Variants in SFRP4 observed in about 807,000 individuals in gnomAD.
The protein encoded by SFRP4 is secreted frizzled related protein 4.
A neutral mutation model predicts 36.3 loss-of-function variants in SFRP4; 25 were observed. That is an observed-to-expected ratio of 0.69 (90% confidence interval 0.50 to 0.96). The LOEUF is 0.96. Ranked by LOEUF, SFRP4 falls within the 40% of genes least tolerant of loss-of-function variation. The probability of loss-of-function intolerance (pLI) is 0.00; values close to 1 mark genes in which losing one functional copy is unlikely to be tolerated. For synonymous variants in SFRP4, 182 were observed against 168.8 expected, an observed-to-expected ratio of 1.08 and a Z score of -0.60; for missense variants, 487 against 459.6, an observed-to-expected ratio of 1.06 and a Z score of -0.54.
At chr7:37,912,536 G>A (rs553394019) in intron 3 of SFRP4, among the ~76,000 whole-genome samples, 1 of 152,284 alleles carries the variant, frequency 6.6e-6, no homozygotes, top group South Asian at 2.1e-4. Context: ...GGGGCATACT[G>A]CAAGATAGGA....
chr7:37,911,773 G>T (rs760721757), intron 4 of SFRP4, among the ~76,000 whole-genome samples: 1 of 152,140 alleles, frequency 6.6e-6, no homozygotes, highest in South Asian at 2.1e-4. Context: ...AGCTATTAAA[G>T]TGGCCTTAAA....
At position 37,916,671 on chromosome 7, in the gene SFRP4, A is replaced by C; in HGVS notation, c.-134T>G. 4.5e-6 allele frequency: 6 copies of C among 1,348,042 alleles called. 1 individual carries two copies. The South Asian group carries it at 8.9e-5, about 20-fold the overall frequency. The allele number at this position is 1,348,042 out of a possible 1,614,324, so 83.5% of individuals were successfully genotyped here. The stretch of plus-strand genomic sequence containing the variant: ...AGGAGAGTTTCTTCCCCCAAACTCC[A>C]GTCGGCAGCAAAGCGGGGCCGCGGG... On this transcript the variant is annotated 5_prime_UTR_variant, in exon 1 of 6. Coordinates refer to ENST00000436072, the MANE Select transcript of SFRP4 (RefSeq NM_003014.4). The surrounding 1 kb of genome is among the most constrained non-coding windows in gnomAD (Gnocchi z 4.1).
rs1333811284 is a variant in SFRP4, at chr7:37,916,085, G to C, written c.445+8C>G. ...CCTCGCCTCCCTCCATCCTTCCTAC[G>C]GCCTCACCCTCCGGGAGGTCCGTGA... On this transcript the variant is annotated splice_region_variant and intron_variant, in intron 1 of 5. Coordinates refer to ENST00000436072, the MANE Select transcript of SFRP4 (RefSeq NM_003014.4). The surrounding 1 kb of genome is among the most constrained non-coding windows in gnomAD (Gnocchi z 4.1). The C allele has an allele frequency of 1.9e-6, 3 of 1,604,660 alleles. No individual in the cohort carries two copies. The highest frequency in any genetic ancestry group is 2.2e-5 in the East Asian group (1 of 44,630).
At chr7:37,914,569 T>A in intron 1 of SFRP4, 116 bp from the exon 2 acceptor site, 1 of 810,178 alleles carries the variant, frequency 1.2e-6, no homozygotes, top group African/African-American at 1.7e-5. Flanking sequence ...TAATAGTATT[T>A]AATGGTAAAA....
chr7:37,912,155 T>C lies in SFRP4; in HGVS notation c.755A>G (p.Gln252Arg). The change falls in exon 4 of 6, where the codon CAA becomes CGA. Residue 252 changes from glutamine (Q) to arginine (R), a missense_variant. Coordinates refer to ENST00000436072, the MANE Select transcript of SFRP4 (RefSeq NM_003014.4). ...SCQCPHILPHQDVLIMCYEWR... is the reference protein window; with the variant it reads ...SCQCPHILPHRDVLIMCYEWR... ...CTCGTAACACATGATGAGAACATCT[T>C]GATGGGGCAGGATGTGTGGACACTG... The C allele has an allele frequency of 6.2e-7, 1 of 1,614,150 alleles. No individual in the cohort carries two copies. The highest frequency in any genetic ancestry group is 1.1e-5 in the South Asian group (1 of 91,074).
At position 37,916,104 on chromosome 7, in the gene SFRP4, T is replaced by G; in HGVS notation, c.434A>C (p.Asp145Ala). 6.2e-7 allele frequency: 1 copy of G among 1,611,568 alleles called. No individual in the cohort carries two copies. The change falls in exon 1 of 6, where the codon GAC becomes GCC. Residue 145 changes from aspartate (D) to alanine (A), a missense_variant. Transcript: ENST00000436072. The surrounding 1 kb of genome is among the most constrained non-coding windows in gnomAD (Gnocchi z 4.1). ...TCCTACGGCCTCACCCTCCGGGAGGTCCGTGACGATGGCTTCAGGCGAGAT... is the reference window on the plus strand; with the variant it reads ...TCCTACGGCCTCACCCTCCGGGAGGGCCGTGACGATGGCTTCAGGCGAGAT... ...VCISPEAIVTDLPEDVKWIDI... is the reference protein window; with the variant it reads ...VCISPEAIVTALPEDVKWIDI...
chr7:37,916,559 G>C lies in SFRP4; in HGVS notation c.-22C>G. 6.3e-7 allele frequency: 1 copy of C among 1,590,322 alleles called. No homozygotes were observed. The highest frequency in any genetic ancestry group is 1.1e-5 in the South Asian group (1 of 90,492). ...ACATGGCACTGCCCTCTCGCGCTGC[G>C]ACCCCGGCAGACAGAAAGCGCCCTT... On this transcript the variant is annotated 5_prime_UTR_variant, in exon 1 of 6. Coordinates refer to ENST00000436072, the MANE Select transcript of SFRP4 (RefSeq NM_003014.4). The surrounding 1 kb of genome is among the most constrained non-coding windows in gnomAD (Gnocchi z 4.1).
chr7:37,913,277 A>ATT lies in SFRP4; in HGVS notation c.592+934_592+935dup, dbSNP rs368403590. 5.0e-4 allele frequency among the ~76,000 whole-genome samples: 76 copies of ATT among 152,084 alleles called. 1 individual carries two copies. In the East Asian group the frequency reaches 0.011, roughly 23 times the overall value. ...AAATCTGATAGTTTTGTAACAGCTT[A>ATT]TTTTTTTTCAGATTTCTACATTTCT... is the stretch of plus-strand genomic sequence containing the variant. On this transcript the variant is annotated intron_variant, in intron 3 of 5. Transcript: ENST00000436072.
Position 37,914,113 on chromosome 7 carries a change from C to A in SFRP4, c.592+100G>T. ...GGAAAAATAGTCAACCTTTTGTTTT[C>A]TTTACTTTGTGACTAGCTTTAGTGA... is the stretch of plus-strand genomic sequence containing the variant. On this transcript the variant is annotated intron_variant, in intron 3 of 5. Coordinates refer to ENST00000436072, the MANE Select transcript of SFRP4 (RefSeq NM_003014.4). 4.5e-6 allele frequency: 4 copies of A among 894,042 alleles called. No individual in the cohort carries two copies. The South Asian group carries it at 6.1e-5, about 14-fold the overall frequency. The allele number at this position is 894,042 out of a possible 1,614,324, so 55.4% of individuals were successfully genotyped here. A position where few individuals can be genotyped will look rare whatever the true frequency, so the allele number is the denominator to read the frequency against.
chr7:37,915,538 A>C lies in SFRP4; in HGVS notation c.445+555T>G, dbSNP rs143558986. On this transcript the variant is annotated intron_variant, in intron 1 of 5. Transcript: ENST00000436072. ...AGGAAGTGGAAGCAGAGATGGGGTTAACTAAAATGCCACTGTAGTTGGCTC... is the reference window on the plus strand; with the variant it reads ...AGGAAGTGGAAGCAGAGATGGGGTTCACTAAAATGCCACTGTAGTTGGCTC... 5.9e-5 allele frequency among the ~76,000 whole-genome samples: 9 copies of C among 152,372 alleles called. No individual in the cohort carries two copies. The East Asian group carries it at 1.7e-3, about 29-fold the overall frequency.
chr7:37,916,777 G>A lies in SFRP4; in HGVS notation c.-240C>T. ...CAGCCTTCGGGGCGCGAACCCGCCCGGGCAGCTCCAGTCCCGGACTCCGCA... is the reference window on the plus strand; with the variant it reads ...CAGCCTTCGGGGCGCGAACCCGCCCAGGCAGCTCCAGTCCCGGACTCCGCA... On this transcript the variant is annotated 5_prime_UTR_variant, in exon 1 of 6. Coordinates refer to ENST00000436072, the MANE Select transcript of SFRP4 (RefSeq NM_003014.4). This position sits in a 1 kb window ranked among gnomAD's most constrained non-coding sequence, Gnocchi z 4.1. The A allele has an allele frequency of 4.9e-6, 3 of 611,122 alleles. No individual in the cohort carries two copies. Among genetic ancestry groups the A allele is most frequent in the Non-Finnish European group, 8.5e-6 (3 of 351,080 alleles). 37.9% of individuals were successfully genotyped at this position (611,122 alleles called of 1,614,324 possible).
At position 37,916,193 on chromosome 7, in the gene SFRP4, G is replaced by A. The variant is rs781193072; in HGVS notation, c.345C>T (p.Tyr115=). Residue 115 remains tyrosine, a synonymous_variant, in exon 1 of 6, where the codon TAC becomes TAT. Transcript: ENST00000436072. The surrounding 1 kb of genome is among the most constrained non-coding windows in gnomAD (Gnocchi z 4.1). ...CCAGGCTTTCGGGCCAGCTGTGGTT[G>A]TACATCTTCATGAGGGGCTCGCAGT... The part of the protein sequence containing the change: ...RDDCEPLMKM[Y]NHSWPESLAC... 13 of 1,614,048 alleles carry A rather than the reference G, an allele frequency of 8.1e-6. No individual in the cohort carries two copies. Among genetic ancestry groups the A allele is most frequent in the Non-Finnish European group, 1.0e-5 (12 of 1,180,058 alleles).
chr7:37,913,219 C>A (rs1219131237), intron 3 of SFRP4, among the ~76,000 whole-genome samples: 2 of 152,166 alleles, frequency 1.3e-5, no homozygotes, highest in Non-Finnish European at 2.9e-5. Flanking sequence ...TTTGTTGTTG[C>A]TGAATTACCC....
chr7:37,910,362 T>A (rs947674482), intron 4 of SFRP4, among the ~76,000 whole-genome samples: 1 of 152,004 alleles, frequency 6.6e-6, no homozygotes, highest in Non-Finnish European at 1.5e-5. Context: ...TTTCTGTATA[T>A]ATATTTCTAT....
chr7:37,916,253 C>T lies in SFRP4; in HGVS notation c.285G>A (p.Lys95=). 1 of 1,614,174 alleles carries T rather than the reference C, an allele frequency of 6.2e-7. No individual in the cohort carries two copies. Among genetic ancestry groups the T allele is most frequent in the Non-Finnish European group, 8.5e-7 (1 of 1,180,042 alleles). ...CGCGTTGGCACACCGACTTGCACGG[C>T]TTGATAGGGTCGTGCAGGAACTCCA... ...CTLEFLHDPI[K]PCKSVCQRAR... The change falls in exon 1 of 6, where the codon AAG becomes AAA. Residue 95 remains lysine, a synonymous_variant. Coordinates refer to ENST00000436072, the MANE Select transcript of SFRP4 (RefSeq NM_003014.4). This position sits in a 1 kb window ranked among gnomAD's most constrained non-coding sequence, Gnocchi z 4.1.
intron 5 of SFRP4, among the ~76,000 whole-genome samples, chr7:37,908,829 C>T (rs1051652980): frequency 9.2e-5 from 14 of 152,306 alleles, no homozygotes; most frequent in South Asian, 4.1e-4. Context: ...CACTGACTAG[C>T]GGAGGCTGTG....
chr7:37,907,941 C>G (rs1372064683), intron 5 of SFRP4, among the ~76,000 whole-genome samples: 1 of 152,150 alleles, frequency 6.6e-6, no homozygotes, highest in Admixed American at 6.5e-5. Context: ...AGGTTATTTG[C>G]AGTGCACAGA....
At chr7:37,914,609 A>G (rs1785546282) in intron 1 of SFRP4, among the ~76,000 whole-genome samples, 156 bp from the exon 2 acceptor site, 1 of 152,254 alleles carries the variant, frequency 6.6e-6, no homozygotes, top group Non-Finnish European at 1.5e-5. Flanking sequence ...TCACACCTGT[A>G]ATCCCAGCAG....
intron 4 of SFRP4, 154 bp from the exon 5 acceptor site, chr7:37,909,834 G>A (rs896196214): frequency 4.3e-5 from 20 of 466,604 alleles, no homozygotes; most frequent in Non-Finnish European, 7.6e-5. Context: ...ATTCCTCCTT[G>A]TAACAATATT....
Sources: gnomAD v4.1 joint callset for allele counts (sites outside exome capture counted in the v4.1 genomes callset) on GRCh38, gnomAD v4.1.1 for gene constraint, Gnocchi (gnomAD v3.1) non-coding constraint, MANE v1.5 for transcripts, NCBI Gene and HGNC (gene_info 2026-07-23, HGNC 2026-07-21) for gene names.